The following AUTS2 variants were observed in gnomAD, a reference collection of about 807,000 sequenced individuals.
The protein encoded by AUTS2 is autism susceptibility gene 2 protein.
AUTS2 carries 17 observed loss-of-function variants against 112.4 expected under a neutral mutation model. The observed-to-expected ratio is 0.15, with a 90% CI of 0.10 to 0.23. AUTS2 has a LOEUF of 0.23. Among genes scored for constraint, AUTS2 ranks in the 10% least tolerant of loss-of-function variants. AUTS2 has a pLI of 1.00. For missense variants in AUTS2, 1,510 were observed against 1,701.6 expected (o/e 0.89, Z 1.98); for synonymous variants, 751 against 702.7 (o/e 1.07, Z -1.09).
At chr7:70,343,336 C>G (rs1791356400) in intron 4 of AUTS2, among the ~76,000 whole-genome samples, 1 of 152,158 alleles carries the variant, frequency 6.6e-6, no homozygotes, top group Non-Finnish European at 1.5e-5. Context: ...GCTTTGAACT[C>G]TGGAATTAAT....
At chr7:70,571,651 G>A (rs1226071303) in intron 5 of AUTS2, among the ~76,000 whole-genome samples, 1 of 152,184 alleles carries the variant, frequency 6.6e-6, no homozygotes, top group Non-Finnish European at 1.5e-5. Context: ...GTGGAAACTG[G>A]GCTTCCACTT....
At chr7:69,629,147 G>A (rs1001335686) in intron 1 of AUTS2, among the ~76,000 whole-genome samples, 5 of 151,510 alleles carry the variant, frequency 3.3e-5, no homozygotes, top group African/African-American at 1.2e-4. Flanking sequence ...CTTCAAGCAA[G>A]ACACTTTTGG....
chr7:70,716,236 G>T (rs1431413844), intron 6 of AUTS2, among the ~76,000 whole-genome samples: 14 of 152,192 alleles, frequency 9.2e-5, no homozygotes, highest in Admixed American at 9.2e-4. Flanking sequence ...CTGGTGACTG[G>T]TAAGTGACAG....
intron 1 of AUTS2, among the ~76,000 whole-genome samples, chr7:69,744,386 A>G (rs1483578187): frequency 6.6e-6 from 1 of 152,062 alleles, no homozygotes; most frequent in Non-Finnish European, 1.5e-5. Flanking sequence ...GATCAGGAGG[A>G]ACTTAGAGGG....
chr7:69,626,909 GA>G (rs1193866492), intron 1 of AUTS2, among the ~76,000 whole-genome samples: 2 of 152,178 alleles, frequency 1.3e-5, no homozygotes, highest in African/African-American at 2.4e-5. Flanking sequence ...AGTAATTAAT[GA>G]AATGTATTGC....
intron 1 of AUTS2, among the ~76,000 whole-genome samples, chr7:69,874,656 A>ATTTTTTTT (rs575761682): frequency 2.7e-5 from 4 of 149,356 alleles, no homozygotes; most frequent in African/African-American, 9.8e-5. Flanking sequence ...CATTGCATCT[A>ATTTTTTTT]TTTTTTTTTT....
At chr7:70,431,360 A>G (rs1258248878) in intron 4 of AUTS2, among the ~76,000 whole-genome samples, 2 of 152,186 alleles carry the variant, frequency 1.3e-5, no homozygotes, top group African/African-American at 4.8e-5. Flanking sequence ...ATTTATGGGT[A>G]ATTTTTAAAA....
intron 5 of AUTS2, among the ~76,000 whole-genome samples, chr7:70,626,675 C>T (rs1804968449): frequency 6.6e-6 from 1 of 152,140 alleles, no homozygotes; most frequent in Non-Finnish European, 1.5e-5. Context: ...TTCCCTCTCG[C>T]CTCTCATAGA....
chr7:70,002,998 A>C (rs1423254528), intron 2 of AUTS2, among the ~76,000 whole-genome samples: 3 of 151,266 alleles, frequency 2.0e-5, no homozygotes, highest in African/African-American at 7.3e-5. Context: ...TTTTAAGAAA[A>C]AAATAGGATA....
chr7:70,014,357 CT>C (rs1378706870), intron 2 of AUTS2, among the ~76,000 whole-genome samples: 2 of 152,170 alleles, frequency 1.3e-5, no homozygotes. Context: ...ATTGTCTTAG[CT>C]CTTGTTTTCT....
In AUTS2 at chr7:70,439,383, CAAA is replaced by C. The variant is rs549364025; in HGVS notation, c.690+3606_690+3608del. 2.7e-3 allele frequency among the ~76,000 whole-genome samples: 409 copies of C among 151,884 alleles called. 1 individual carries two copies. Among genetic ancestry groups the C allele is most frequent in the African/African-American group, 9.0e-3 (373 of 41,444 alleles). ...TGAAACCCCGTCTCTACTAAAAATA[CAAA>C]AAATTAGCCGGGCGTGGTAGCACGT... On this transcript the variant is annotated intron_variant, in intron 5 of 18. Transcript: ENST00000342771.
At chr7:70,101,689 A>G (rs1018483928) in intron 2 of AUTS2, among the ~76,000 whole-genome samples, 1 of 152,142 alleles carries the variant, frequency 6.6e-6, no homozygotes, top group Non-Finnish European at 1.5e-5. Flanking sequence ...AGTGAGACCT[A>G]TCTCAAAAAA....
chr7:69,894,269 TTTTTTTTTTA>T (rs1273796876), intron 1 of AUTS2, among the ~76,000 whole-genome samples: 4 of 119,712 alleles, frequency 3.3e-5, no homozygotes, highest in African/African-American at 1.1e-4. Flanking sequence ...TTTTTTTTTT[TTTTTTTTTTA>T]ACAGATTTCT....
In AUTS2 at chr7:69,753,322, A is replaced by G. The variant is rs558072623; in HGVS notation, c.310-145964A>G. ...TAATGTGGAAATTTCCCTACCTTGT[A>G]ACAGTGAGTTGGAAATTGTTCCTGT... On this transcript the variant is annotated intron_variant, in intron 1 of 18. Coordinates refer to ENST00000342771, the MANE Select transcript of AUTS2 (RefSeq NM_015570.4). 1.1e-3 allele frequency among the ~76,000 whole-genome samples: 163 copies of G among 151,752 alleles called. 1 individual carries two copies. The highest frequency in any genetic ancestry group is 3.8e-3 in the African/African-American group (159 of 41,426).
intron 1 of AUTS2, among the ~76,000 whole-genome samples, chr7:69,726,380 A>C (rs1786516779): frequency 6.6e-6 from 1 of 152,000 alleles, no homozygotes; most frequent in Non-Finnish European, 1.5e-5. Flanking sequence ...AGTTTTTTTT[A>C]ATTGCTGAAT....
chr7:70,516,122 A>G (rs1265649488), intron 5 of AUTS2, among the ~76,000 whole-genome samples: 1 of 152,192 alleles, frequency 6.6e-6, no homozygotes, highest in Non-Finnish European at 1.5e-5. Flanking sequence ...ATTGAATGTA[A>G]CTGATTCTTG....
intron 1 of AUTS2, among the ~76,000 whole-genome samples, chr7:69,647,919 T>G (rs1795105545): frequency 6.6e-6 from 1 of 152,224 alleles, no homozygotes; most frequent in African/African-American, 2.4e-5. Flanking sequence ...TATTTGCCTT[T>G]GTTGTCTCTT....
chr7:70,156,606 T>C (rs772185970), intron 4 of AUTS2, among the ~76,000 whole-genome samples: 1 of 152,084 alleles, frequency 6.6e-6, no homozygotes, highest in African/African-American at 2.4e-5. Context: ...GGTTGTATAG[T>C]TGAGAATGTT....
chr7:69,820,136 C>T (rs559854121), intron 1 of AUTS2, among the ~76,000 whole-genome samples: 2 of 152,092 alleles, frequency 1.3e-5, no homozygotes, highest in Non-Finnish European at 1.5e-5. Context: ...TGATAAAGAG[C>T]GGCTCCCACA....
Sources: gnomAD v4.1 joint callset for allele counts (sites outside exome capture counted in the v4.1 genomes callset) on GRCh38, gnomAD v4.1.1 for gene constraint, MANE v1.5 for transcripts, NCBI Gene and HGNC (gene_info 2026-07-23, HGNC 2026-07-21) for gene names.